Variants in LRRC7 observed in about 807,000 individuals in gnomAD.
LRRC7 encodes the protein leucine-rich repeat-containing protein 7.
Under a neutral mutation model 175.7 loss-of-function variants are expected in LRRC7, and 23 were observed. The ratio of observed to expected loss-of-function variants is 0.13; its 90% CI spans 0.09 to 0.19. LRRC7 has a LOEUF of 0.19. Ranked by LOEUF, LRRC7 falls within the 10% of genes least tolerant of loss-of-function variation. The pLI is 1.00. For missense variants in LRRC7, 1,354 were observed against 1,904.7 expected (o/e 0.71, Z 5.38); for synonymous variants, 685 against 680.9 (o/e 1.01, Z -0.09).
intron 13 of LRRC7, among the ~76,000 whole-genome samples, chr1:70,015,219 A>G (rs1420605105): frequency 1.3e-5 from 2 of 152,020 alleles, no homozygotes; most frequent in East Asian, 3.8e-4. Context: ...TTTATATTTT[A>G]TAAATATTTA....
At chr1:69,902,145 T>C (rs1477087729) in intron 7 of LRRC7, among the ~76,000 whole-genome samples, 2 of 152,194 alleles carry the variant, frequency 1.3e-5, no homozygotes, top group Non-Finnish European at 2.9e-5. Context: ...TCCATTAGGT[T>C]GTGAGGACCT....
intron 7 of LRRC7, among the ~76,000 whole-genome samples, chr1:69,906,219 C>T (rs967788265): frequency 6.6e-6 from 1 of 152,150 alleles, no homozygotes; most frequent in Non-Finnish European, 1.5e-5. Flanking sequence ...TGCCTGTTCA[C>T]TCTGATGGTA....
At position 70,121,788 on chromosome 1, in the gene LRRC7, A is replaced by T. The variant is rs1666224622; in HGVS notation, c.4629A>T (p.Gly1543=). ...QPGDKILQAN[G]HSFVHMEHEK... is the part of the protein sequence containing the mutation. ...TATTTGTGTATTTACAGGCAAATGGACACAGTTTTGTACATATGGAACATG... is the reference window on the plus strand; with the variant it reads ...TATTTGTGTATTTACAGGCAAATGGTCACAGTTTTGTACATATGGAACATG... Residue 1543 remains glycine (G), a synonymous_variant, in exon 27 of 27, where the codon GGA becomes GGT. Transcript: ENST00000651989. The T allele has an allele frequency of 6.2e-7, 1 of 1,607,044 alleles. No individual in the cohort carries two copies. Among genetic ancestry groups the T allele is most frequent in the African/African-American group, 1.3e-5 (1 of 74,740 alleles).
At chr1:70,110,742 C>G (rs925294876) in intron 26 of LRRC7, among the ~76,000 whole-genome samples, 14 of 152,190 alleles carry the variant, frequency 9.2e-5, no homozygotes, top group East Asian at 3.9e-4. Flanking sequence ...GGACTTTAAT[C>G]AAATAAATTA....
intron 1 of LRRC7, among the ~76,000 whole-genome samples, chr1:69,663,523 A>G (rs1349683286): frequency 6.6e-6 from 1 of 151,952 alleles, no homozygotes; most frequent in Non-Finnish European, 1.5e-5. Context: ...CAATTAAATT[A>G]TTTCAACTAT....
At chr1:69,651,362 C>T (rs768312912) in intron 1 of LRRC7, among the ~76,000 whole-genome samples, 3 of 152,130 alleles carry the variant, frequency 2.0e-5, no homozygotes, top group South Asian at 2.1e-4. Flanking sequence ...AGCAAAATTA[C>T]GCATCCTTTG....
chr1:69,919,963 C>G, intron 7 of LRRC7: 1 of 567,060 alleles, frequency 1.8e-6, no homozygotes, highest in South Asian at 2.0e-5. Context: ...GGAGGGGGCC[C>G]TTCCAGACTG....
chr1:69,622,028 T>C (rs1278994409), intron 1 of LRRC7, among the ~76,000 whole-genome samples: 2 of 152,228 alleles, frequency 1.3e-5, no homozygotes, highest in Non-Finnish European at 2.9e-5. Context: ...TATCTCTATT[T>C]GCATATTTGG....
At chr1:69,586,214 C>T (rs1462152785) in intron 1 of LRRC7, among the ~76,000 whole-genome samples, 1 of 152,190 alleles carries the variant, frequency 6.6e-6, no homozygotes. Flanking sequence ...TGTCCTTCCT[C>T]CCTATGTGTA....
At chr1:69,644,395 A>G (rs1484899712) in intron 1 of LRRC7, among the ~76,000 whole-genome samples, 1 of 151,984 alleles carries the variant, frequency 6.6e-6, no homozygotes, top group Non-Finnish European at 1.5e-5. Context: ...CCTGTTTATC[A>G]TTATCAAAAA....
intron 7 of LRRC7, among the ~76,000 whole-genome samples, chr1:69,908,247 T>C (rs537043182): frequency 6.6e-6 from 1 of 152,346 alleles, no homozygotes; most frequent in South Asian, 2.1e-4. Flanking sequence ...AGGGTTTTTT[T>C]GTGTCTCTAT....
At chr1:69,792,644 C>A (rs778700836) in intron 4 of LRRC7, among the ~76,000 whole-genome samples, 34 of 152,048 alleles carry the variant, frequency 2.2e-4, no homozygotes, top group Non-Finnish European at 4.1e-4. Context: ...TTTCTCCTAA[C>A]TGAGAATGTA....
intron 1 of LRRC7, among the ~76,000 whole-genome samples, chr1:69,651,323 G>A (rs1570171563): frequency 6.6e-6 from 1 of 152,114 alleles, no homozygotes; most frequent in Non-Finnish European, 1.5e-5. Flanking sequence ...TTTGAAGCAA[G>A]AGCAACTATA....
rs1037742472 is a variant in LRRC7 at position 69,750,213 on chromosome 1, TA to T, written c.101-9971del. 1.1e-4 allele frequency among the ~76,000 whole-genome samples: 17 copies of T among 151,980 alleles called. 1 individual carries two copies. The highest frequency in any genetic ancestry group is 3.4e-3 in the Middle Eastern group (1 of 294). The stretch of plus-strand genomic sequence containing the variant: ...TAATGAGGAAAGGTTGGTTAATGGG[TA>T]AAAAAATACAGTTAAGAGCAAAGGA... On this transcript the variant is annotated intron_variant, in intron 2 of 26. Coordinates refer to ENST00000651989, the MANE Select transcript of LRRC7 (RefSeq NM_001370785.2).
chr1:70,019,299 A>T (rs1265359567), intron 15 of LRRC7, among the ~76,000 whole-genome samples: 1 of 152,042 alleles, frequency 6.6e-6, no homozygotes, highest in African/African-American at 2.4e-5. Flanking sequence ...TGCAAATAAG[A>T]CCATTCTTTC....
intron 4 of LRRC7, 70 bp from the exon 5 acceptor site, chr1:69,825,678 A>T: frequency 1.0e-6 from 1 of 959,224 alleles, no homozygotes; most frequent in Non-Finnish European, 1.6e-6. Context: ...AATTATCTAA[A>T]TATTAGAACT....
rs762703382 is a variant in LRRC7, at chr1:70,076,213, C to G, written c.4367C>G (p.Ser1456Cys). Residue 1456 changes from serine to cysteine, a missense_variant, in exon 24 of 27, where the codon TCT (serine) becomes TGT (cysteine). By Grantham distance (112) the Ser-to-Cys change is moderately radical. Coordinates refer to ENST00000651989, the MANE Select transcript of LRRC7 (RefSeq NM_001370785.2). ...FQSPLPIQIPSSQATRGPQPG... is the reference protein window; with the variant it reads ...FQSPLPIQIPCSQATRGPQPG... ...TCACCATTGCCTATTCAGATCCCCT[C>G]TTCACAGGCCACCCGGGGACCTCAG... is the stretch of plus-strand genomic sequence containing the variant. 1 of 1,614,100 alleles carries G rather than the reference C, an allele frequency of 6.2e-7. No individual in the cohort carries two copies. The highest frequency in any genetic ancestry group is 1.1e-5 in the South Asian group (1 of 91,086).
Position 70,127,615 on chromosome 1 carries a change from A to G in LRRC7, c.*5728A>G, listed in dbSNP as rs902344277. On this transcript the variant is annotated 3_prime_UTR_variant, in exon 27 of 27. Coordinates refer to ENST00000651989, the MANE Select transcript of LRRC7 (RefSeq NM_001370785.2). Reference sequence around the variant, plus strand: ...GGGTTCTGAGCTCATGCTCTTTGTAACAACACACTGAGCACTAAGCAATGT... The same window carrying G: ...GGGTTCTGAGCTCATGCTCTTTGTAGCAACACACTGAGCACTAAGCAATGT... Among the ~76,000 whole-genome samples the G allele has an allele frequency of 2.0e-5, 3 of 152,182 alleles. No homozygotes were observed. Among genetic ancestry groups the G allele is most frequent in the Non-Finnish European group, 2.9e-5 (2 of 68,028 alleles).
chr1:69,647,538 G>T (rs575594725), intron 1 of LRRC7, among the ~76,000 whole-genome samples: 2 of 152,104 alleles, frequency 1.3e-5, no homozygotes, highest in East Asian at 1.9e-4. Flanking sequence ...AATTTATTTT[G>T]TATCTAATGT....
Sources: allele counts gnomAD v4.1 joint callset (sites outside exome capture counted in the v4.1 genomes callset), GRCh38; gene constraint gnomAD v4.1.1; transcripts MANE v1.5; gene names NCBI Gene and HGNC (gene_info 2026-07-23, HGNC 2026-07-21).